LSAMP: variants seen among roughly 807,000 people sequenced by gnomAD.
LSAMP encodes limbic system-associated membrane protein.
In LSAMP, 7 loss-of-function variants were observed where a neutral mutation model predicts 38.6. The ratio of observed to expected loss-of-function variants is 0.18; its 90% CI spans 0.10 to 0.34. The LOEUF (loss-of-function observed/expected upper bound fraction) is 0.34, where lower values mean the gene tolerates loss of function less well. LSAMP is among the 10% of genes least tolerant of loss of function. The pLI, the probability that LSAMP is intolerant of heterozygous loss-of-function variation, is 1.00. For synonymous variants in LSAMP, 154 were observed against 166.8 expected (o/e 0.92, Z 0.59); for missense variants, 313 against 420.0 (o/e 0.75, Z 2.23).
At position 116,021,235 on chromosome 3, in the gene LSAMP, G is replaced by A. The variant is rs757364285; in HGVS notation, c.389-1595C>T. Among the ~76,000 whole-genome samples, 10 of 152,112 alleles carry A rather than the reference G, an allele frequency of 6.6e-5. 1 individual carries two copies. The East Asian group carries it at 9.7e-4, about 15-fold the overall frequency. ...CCTTTAGCTATTGGGGTTAAGGGTC[G>A]TTTTCTCATATTCACACACTGTCTT... On this transcript the variant is annotated intron_variant, in intron 2 of 6. Transcript: ENST00000490035.
intron 1 of LSAMP, among the ~76,000 whole-genome samples, chr3:116,420,773 A>T (rs1207630672): frequency 6.6e-6 from 1 of 152,110 alleles, no homozygotes; most frequent in African/African-American, 2.4e-5. Context: ...GCTACTTGGG[A>T]GGCTGAGGCA....
chr3:116,106,627 G>A (rs1387319421), intron 1 of LSAMP, among the ~76,000 whole-genome samples: 1 of 152,116 alleles, frequency 6.6e-6, no homozygotes, highest in Non-Finnish European at 1.5e-5. Context: ...TGGCTGATTT[G>A]ACTAATAAAG....
At chr3:116,204,282 T>C (rs1019358848) in intron 1 of LSAMP, among the ~76,000 whole-genome samples, 27 of 151,052 alleles carry the variant, frequency 1.8e-4, no homozygotes, top group South Asian at 1.0e-3. Flanking sequence ...TTTGAGTTCA[T>C]TGTAGATTCT....
chr3:115,933,658 G>C (rs1937617607), intron 3 of LSAMP, among the ~76,000 whole-genome samples: 1 of 152,166 alleles, frequency 6.6e-6, no homozygotes, highest in Non-Finnish European at 1.5e-5. Flanking sequence ...AGCACCCCTG[G>C]AAGAGTGTGC....
intron 1 of LSAMP, among the ~76,000 whole-genome samples, chr3:116,242,183 C>T (rs1278757162): frequency 6.6e-6 from 1 of 152,108 alleles, no homozygotes; most frequent in Non-Finnish European, 1.5e-5. Context: ...GGAAAAATAT[C>T]CAAAAACCCA....
intron 2 of LSAMP, among the ~76,000 whole-genome samples, chr3:116,042,128 T>C (rs2107718800): frequency 6.6e-6 from 1 of 152,338 alleles, no homozygotes; most frequent in East Asian, 1.9e-4. Flanking sequence ...TGTGTACTAT[T>C]CTGAGGCATG....
chr3:116,421,292 A>T (rs2049120040), intron 1 of LSAMP, among the ~76,000 whole-genome samples: 2 of 152,152 alleles, frequency 1.3e-5, no homozygotes, highest in Admixed American at 1.3e-4. Context: ...TATTGGGGCC[A>T]GGCGTGGTAG....
At chr3:116,137,885 C>A (rs1179042895) in intron 1 of LSAMP, among the ~76,000 whole-genome samples, 1 of 152,122 alleles carries the variant, frequency 6.6e-6, no homozygotes, top group Non-Finnish European at 1.5e-5. Context: ...TGAATATAAA[C>A]AGGTCCTCTC....
chr3:116,348,607 C>T (rs1424619806), intron 1 of LSAMP, among the ~76,000 whole-genome samples: 1 of 151,968 alleles, frequency 6.6e-6, no homozygotes, highest in Non-Finnish European at 1.5e-5. Context: ...TCCATTTCAC[C>T]GAAAGCATTT....
chr3:116,311,619 C>T (rs898632347), intron 1 of LSAMP, among the ~76,000 whole-genome samples: 1 of 152,112 alleles, frequency 6.6e-6, no homozygotes, highest in Non-Finnish European at 1.5e-5. Context: ...ACCGGACAAC[C>T]AGACACATCT....
At chr3:116,385,488 G>A (rs564692115) in intron 1 of LSAMP, among the ~76,000 whole-genome samples, 20 of 152,132 alleles carry the variant, frequency 1.3e-4, no homozygotes, top group Non-Finnish European at 2.9e-4. Flanking sequence ...CTTCACAAGG[G>A]CCAAGTTGAA....
At chr3:115,851,461 T>C (rs1311048804) in intron 4 of LSAMP, among the ~76,000 whole-genome samples, 1 of 152,204 alleles carries the variant, frequency 6.6e-6, no homozygotes, top group Non-Finnish European at 1.5e-5. Flanking sequence ...TTTCAAACTC[T>C]AAAATGATCT....
intron 2 of LSAMP, among the ~76,000 whole-genome samples, chr3:116,023,591 C>T (rs1004597316): frequency 7.9e-5 from 10 of 127,080 alleles, no homozygotes; most frequent in South Asian, 2.5e-4. Context: ...GGTGACAGAG[C>T]GAGACTCCGT....
chr3:116,215,659 G>T (rs149506287), intron 1 of LSAMP, among the ~76,000 whole-genome samples: 2 of 152,186 alleles, frequency 1.3e-5, no homozygotes, highest in East Asian at 3.9e-4. Flanking sequence ...ACTTTAATTA[G>T]CTGCCAAGCA....
intron 1 of LSAMP, among the ~76,000 whole-genome samples, chr3:116,382,141 C>T (rs1352854171): frequency 6.6e-6 from 1 of 151,978 alleles, no homozygotes. Context: ...TTGACCCAGC[C>T]ATCCCATTAC....
chr3:116,226,703 T>C (rs556511916), intron 1 of LSAMP, among the ~76,000 whole-genome samples: 1 of 152,370 alleles, frequency 6.6e-6, no homozygotes, highest in Admixed American at 6.5e-5. Context: ...GTAATGGACA[T>C]GTCACAGATA....
At chr3:116,061,510 C>T (rs1295405603) in intron 2 of LSAMP, among the ~76,000 whole-genome samples, 1 of 152,094 alleles carries the variant, frequency 6.6e-6, no homozygotes, top group Non-Finnish European at 1.5e-5. Flanking sequence ...TGTTCATCTT[C>T]ACTTCCTTCA....
intron 1 of LSAMP, among the ~76,000 whole-genome samples, chr3:116,298,106 C>G (rs906511198): frequency 3.9e-5 from 6 of 152,160 alleles, no homozygotes; most frequent in Non-Finnish European, 8.8e-5. Context: ...AGGTGTCTGT[C>G]TATCTATCTA....
chr3:115,812,341 A>T (rs1577028150), intron 6 of LSAMP, among the ~76,000 whole-genome samples: 1 of 152,164 alleles, frequency 6.6e-6, no homozygotes, highest in Non-Finnish European at 1.5e-5. Flanking sequence ...CTTCAGGTTC[A>T]TGCATTTCAT....
Sources: allele counts gnomAD v4.1 joint callset (sites outside exome capture counted in the v4.1 genomes callset), GRCh38; gene constraint gnomAD v4.1.1; transcripts MANE v1.5; gene names NCBI Gene and HGNC (gene_info 2026-07-23, HGNC 2026-07-21).